The following OR51B5 variants were observed in gnomAD, a reference collection of about 807,000 sequenced individuals.
OR51B5 encodes the protein olfactory receptor 51B5.
For synonymous variants in OR51B5, 186 were observed against 144.8 expected (o/e 1.28, Z -2.04); for missense variants, 456 against 374.6 (o/e 1.22, Z -1.79).
intron 1 of OR51B5, among the ~76,000 whole-genome samples, chr11:5,408,322 T>G (rs1357228893): frequency 6.6e-6 from 1 of 152,012 alleles, no homozygotes; most frequent in Non-Finnish European, 1.5e-5. Flanking sequence ...CTTAACACTG[T>G]CAAAATTCTT....
intron 1 of OR51B5, among the ~76,000 whole-genome samples, chr11:5,458,321 G>T (rs914758607): frequency 3.3e-5 from 5 of 151,926 alleles, no homozygotes; most frequent in Non-Finnish European, 7.4e-5. Flanking sequence ...TGTTCCATTT[G>T]TCTATTTGTA....
chr11:5,417,490 A>G, intron 1 of OR51B5, among the ~76,000 whole-genome samples: 1 of 151,360 alleles, frequency 6.6e-6, no homozygotes, highest in Non-Finnish European at 1.5e-5. Flanking sequence ...GTGAACAGGC[A>G]ACCCACAAAA....
intron 1 of OR51B5, among the ~76,000 whole-genome samples, chr11:5,480,472 T>C (rs1281285056): frequency 2.7e-5 from 4 of 149,032 alleles, no homozygotes; most frequent in African/African-American, 7.4e-5. Flanking sequence ...GCAAACACAT[T>C]CAAAAGCTAG....
At position 5,343,461 on chromosome 11, in the gene OR51B5, G is replaced by A. The variant is rs566514307; in HGVS notation, c.64C>T (p.His22Tyr). The change falls in exon 1 of 1, where the codon CAT becomes TAT. Residue 22 changes from histidine (H) to tyrosine (Y), a missense_variant. By Grantham distance (83) the His-to-Tyr change is moderately conservative. Coordinates refer to ENST00000300773, the Ensembl canonical transcript of OR51B5. ...AAGAAAAATACGGAAATCCAGTGAT[G>A]AGCTTCCTCCAAGCCTGGAAAACCA... The A allele has an allele frequency of 5.7e-6, 9 of 1,571,460 alleles. No individual in the cohort carries two copies. Among genetic ancestry groups the A allele is most frequent in the Non-Finnish European group, 7.0e-6 (8 of 1,144,020 alleles).
intron 1 of OR51B5, among the ~76,000 whole-genome samples, chr11:5,385,148 A>G (rs1849667134): frequency 6.6e-6 from 1 of 152,214 alleles, no homozygotes; most frequent in South Asian, 2.1e-4. Flanking sequence ...TCTGCCTTGA[A>G]TATTTTAATT....
chr11:5,440,861 A>G (rs1850673932), intron 1 of OR51B5: 1 of 1,613,824 alleles, frequency 6.2e-7, no homozygotes, highest in African/African-American at 1.3e-5. Context: ...ATGCGTAGGA[A>G]AGCAGGATGA....
chr11:5,365,995 T>C (rs1282411856), intron 1 of OR51B5, among the ~76,000 whole-genome samples: 1 of 152,166 alleles, frequency 6.6e-6, no homozygotes, highest in Non-Finnish European at 1.5e-5. Context: ...TGCTAGGTGC[T>C]GGCTAGTGGG....
intron 1 of OR51B5, among the ~76,000 whole-genome samples, chr11:5,404,698 T>C (rs547180226): frequency 2.6e-5 from 4 of 152,352 alleles, no homozygotes; most frequent in African/African-American, 9.6e-5. Context: ...CTGCTCACTC[T>C]TTGGGTCTGC....
intron 1 of OR51B5, among the ~76,000 whole-genome samples, chr11:5,473,904 G>A (rs1197688811): frequency 6.6e-6 from 1 of 151,832 alleles, no homozygotes; most frequent in Non-Finnish European, 1.5e-5. Context: ...AGAATGGGGA[G>A]AGAGTGTGCA....
chr11:5,442,227 A>C (rs1850699972), intron 1 of OR51B5, among the ~76,000 whole-genome samples: 1 of 152,176 alleles, frequency 6.6e-6, no homozygotes, highest in South Asian at 2.1e-4. Context: ...TAAATTCTAC[A>C]ATCAAACCAG....
At chr11:5,409,515 AAATCT>A (rs1229208123) in intron 1 of OR51B5, among the ~76,000 whole-genome samples, 2 of 152,326 alleles carry the variant, frequency 1.3e-5, no homozygotes, top group African/African-American at 2.4e-5. Context: ...AACTAAAAAA[AAATCT>A]ATCAAAATAA....
chr11:5,460,794 A>G (rs759736549), intron 1 of OR51B5, among the ~76,000 whole-genome samples: 3 of 152,180 alleles, frequency 2.0e-5, no homozygotes, highest in Non-Finnish European at 2.9e-5. Context: ...TAAATGTGAT[A>G]TAAGTTTGGT....
At chr11:5,368,628 CTT>C (rs34648493) in intron 1 of OR51B5, among the ~76,000 whole-genome samples, 2 of 151,926 alleles carry the variant, frequency 1.3e-5, no homozygotes, top group African/African-American at 4.8e-5. Flanking sequence ...AACATAAAGA[CTT>C]TGTGTTTTAT....
At chr11:5,450,476 A>C (rs1801669120) in intron 1 of OR51B5, among the ~76,000 whole-genome samples, 1 of 152,228 alleles carries the variant, frequency 6.6e-6, no homozygotes, top group Admixed American at 6.5e-5. Context: ...TTATATAGCC[A>C]GTACCTTCCA....
intron 1 of OR51B5, chr11:5,389,679 T>C: frequency 1.9e-6 from 3 of 1,613,684 alleles, no homozygotes; most frequent in Non-Finnish European, 8.5e-7. Context: ...CCCACCACTA[T>C]GGGGATCTTC....
At chr11:5,483,251 G>A (rs572994952) in intron 1 of OR51B5, among the ~76,000 whole-genome samples, 10 of 144,994 alleles carry the variant, frequency 6.9e-5, no homozygotes, top group Admixed American at 2.1e-4. Flanking sequence ...GTAAACTATT[G>A]CAAGAACAAA....
chr11:5,374,169 A>T (rs545761322), intron 1 of OR51B5, among the ~76,000 whole-genome samples: 4 of 152,300 alleles, frequency 2.6e-5, no homozygotes, highest in East Asian at 3.9e-4. Flanking sequence ...GCATTCGCGG[A>T]TCACGAAAAT....
At chr11:5,389,585 A>G in intron 1 of OR51B5, 1 of 1,613,896 alleles carries the variant, frequency 6.2e-7, no homozygotes, top group Non-Finnish European at 8.5e-7. Flanking sequence ...CATTATTAAG[A>G]CCAACCCTCG....
At chr11:5,364,651 A>G (rs1044590156) in intron 1 of OR51B5, among the ~76,000 whole-genome samples, 6 of 145,252 alleles carry the variant, frequency 4.1e-5, no homozygotes, top group Admixed American at 6.9e-5. Context: ...CCTCATGTGC[A>G]TCTCTGAATA....
Sources: gnomAD v4.1 joint callset for allele counts (sites outside exome capture counted in the v4.1 genomes callset) on GRCh38, gnomAD v4.1.1 for gene constraint, MANE v1.5 for transcripts, NCBI Gene and HGNC (gene_info 2026-07-23, HGNC 2026-07-21) for gene names.